ACADM: variants seen among roughly 807,000 people sequenced by gnomAD.
ACADM encodes the protein medium-chain specific acyl-CoA dehydrogenase, mitochondrial.
In ACADM, 49 loss-of-function variants were observed where a neutral mutation model predicts 58.9. The ratio of observed to expected loss-of-function variants is 0.83; its 90% CI spans 0.66 to 1.06. The LOEUF (loss-of-function observed/expected upper bound fraction) is 1.06, where lower values mean the gene tolerates loss of function less well. ACADM is among the 50% of genes least tolerant of loss of function. ACADM has a pLI of 0.00. For synonymous variants in ACADM, 160 were observed against 157.7 expected (o/e 1.01, Z -0.11); for missense variants, 496 against 507.0 (o/e 0.98, Z 0.21).
At chr1:75,744,312 C>T (rs565655624) in intron 7 of ACADM, 484 of 1,613,444 alleles carry the variant, frequency 3.0e-4, no homozygotes, top group Non-Finnish European at 4.0e-4. Context: ...GAGCTTCAGC[C>T]GGCTTGGCCT....
At chr1:75,744,731 G>A (rs1647790021) in intron 7 of ACADM, 7 of 747,660 alleles carry the variant, frequency 9.4e-6, no homozygotes, top group Admixed American at 8.7e-5. Context: ...AAGGCAGAGA[G>A]CGAGTGGCTG....
chr1:75,759,887 C>T (rs1276206279), intron 10 of ACADM, among the ~76,000 whole-genome samples: 1 of 151,816 alleles, frequency 6.6e-6, no homozygotes, highest in Non-Finnish European at 1.5e-5. Context: ...TCTCAAACTC[C>T]CAACCTCAGG....
At chr1:75,757,224 CAA>C (rs1648557371) in intron 10 of ACADM, among the ~76,000 whole-genome samples, 1 of 152,094 alleles carries the variant, frequency 6.6e-6, no homozygotes. Flanking sequence ...TAATTAAACT[CAA>C]GAGTTTCTGC....
At chr1:75,749,910 ATGATGT>A (rs947125857) in intron 9 of ACADM, among the ~76,000 whole-genome samples, 1 of 151,856 alleles carries the variant, frequency 6.6e-6, no homozygotes, top group Non-Finnish European at 1.5e-5. Context: ...ATGGGGTTTC[ATGATGT>A]TGGCCAGGAT....
chr1:75,744,422 C>G, intron 7 of ACADM: 1 of 1,490,500 alleles, frequency 6.7e-7, no homozygotes, highest in Non-Finnish European at 9.4e-7. Context: ...ATGCCATTTG[C>G]TGGTGATGGA....
intron 11 of ACADM, among the ~76,000 whole-genome samples, chr1:75,762,428 C>G (rs918741056): frequency 2.6e-5 from 4 of 152,016 alleles, no homozygotes; most frequent in Non-Finnish European, 5.9e-5. Context: ...ATGTAAATAT[C>G]TTTTCTTTTT....
rs1647968552 is a variant in ACADM at position 75,747,576 on chromosome 1, A to G, written c.708+1662A>G. Reference sequence around the variant, plus strand: ...TGAGGTGGGAGAACTATTTGAACCCAGGAGTTCAGGACCAGCCTGGGCAAC... The same window carrying G: ...TGAGGTGGGAGAACTATTTGAACCCGGGAGTTCAGGACCAGCCTGGGCAAC... On this transcript the variant is annotated intron_variant, in intron 8 of 11. Coordinates refer to ENST00000370841, the MANE Select transcript of ACADM (RefSeq NM_000016.6). Among the ~76,000 whole-genome samples, 4 of 152,174 alleles carry G rather than the reference A, an allele frequency of 2.6e-5. No individual in the cohort carries two copies. The South Asian group carries it at 8.3e-4, about 32-fold the overall frequency.
chr1:75,735,961 G>T (rs1647248273), intron 6 of ACADM, among the ~76,000 whole-genome samples: 1 of 151,878 alleles, frequency 6.6e-6, no homozygotes, highest in Non-Finnish European at 1.5e-5. Context: ...ACCAGCCTGG[G>T]TAACACAGTG....
intron 6 of ACADM, among the ~76,000 whole-genome samples, chr1:75,737,327 T>TATGA (rs1491168235): frequency 1.4e-4 from 11 of 76,680 alleles, no homozygotes; most frequent in African/African-American, 5.8e-4. Context: ...TATATATATA[T>TATGA]GAAACCAAAA....
intron 10 of ACADM, among the ~76,000 whole-genome samples, chr1:75,760,708 TAACTA>T (rs1468743494): frequency 1.3e-5 from 2 of 151,624 alleles, no homozygotes; most frequent in East Asian, 3.9e-4. Context: ...TAAGAAGAAA[TAACTA>T]AATTCAACGT....
At chr1:75,752,817 A>AT (rs1250358143) in intron 10 of ACADM, among the ~76,000 whole-genome samples, 1 of 151,922 alleles carries the variant, frequency 6.6e-6, no homozygotes, top group African/African-American at 2.4e-5. Flanking sequence ...TTTTGCTTTT[A>AT]TTTTTTATTT....
At chr1:75,732,501 T>G in intron 2 of ACADM, 143 bp from the exon 3 acceptor site, 1 of 725,340 alleles carries the variant, frequency 1.4e-6, no homozygotes, top group Non-Finnish European at 2.5e-6. Flanking sequence ...AACTCTTGAT[T>G]AGTCAAAAAA....
At chr1:75,731,459 A>G (rs535000132) in intron 2 of ACADM, among the ~76,000 whole-genome samples, 1 of 152,120 alleles carries the variant, frequency 6.6e-6, no homozygotes, top group South Asian at 2.1e-4. Flanking sequence ...TATCTCTTAA[A>G]TTTTACCTAA....
Position 75,737,281 on chromosome 1 carries a change from TATA to T in ACADM, c.468+2411_468+2413del, listed in dbSNP as rs1250073080. On this transcript the variant is annotated intron_variant, in intron 6 of 11. Transcript: ENST00000370841. The stretch of plus-strand genomic sequence containing the variant: ...GACTGCCACCACACACACACACAAA[TATA>T]TATATATATATATATATATATATAT... 6.2e-3 allele frequency among the ~76,000 whole-genome samples: 125 copies of T among 20,096 alleles called. 4 individuals carry two copies. Among genetic ancestry groups the T allele is most frequent in the African/African-American group, 0.014 (122 of 9,034 alleles). 13.2% of individuals were successfully genotyped at this position (20,096 alleles called of 152,430 possible).
chr1:75,753,795 CT>C (rs71071962), intron 10 of ACADM, among the ~76,000 whole-genome samples: 41,147 of 81,782 alleles, frequency 0.5, 8,610 homozygotes, highest in Middle Eastern at 0.65. Flanking sequence ...CTGATAGCTT[CT>C]TTTTTTTTTT....
chr1:75,750,461 G>T lies in ACADM; in HGVS notation c.860G>T (p.Gly287Val). ...FDKTRPVVAA[G>V]AVGLAQRALD... is the part of the protein sequence containing the mutation. ...ATCTTAAAATACTAGGTAGCTGCTG[G>T]TGCTGTTGGATTAGCACAAAGAGCT... The change falls in exon 10 of 12, where the codon GGT becomes GTT. Residue 287 changes from glycine to valine, a missense_variant. Coordinates refer to ENST00000370841, the MANE Select transcript of ACADM (RefSeq NM_000016.6). 6.2e-7 allele frequency: 1 copy of T among 1,611,188 alleles called. No homozygotes were observed. The highest frequency in any genetic ancestry group is 8.5e-7 in the Non-Finnish European group (1 of 1,179,190).
At chr1:75,729,885 ATTTT>A (rs551916973) in intron 2 of ACADM, among the ~76,000 whole-genome samples, 1 of 73,872 alleles carries the variant, frequency 1.4e-5, no homozygotes, top group Non-Finnish European at 2.6e-5. Flanking sequence ...GGGATGGTGG[ATTTT>A]TTTTTTTTTT....
At chr1:75,731,995 T>C (rs1390290754) in intron 2 of ACADM, among the ~76,000 whole-genome samples, 1 of 152,088 alleles carries the variant, frequency 6.6e-6, no homozygotes, top group Non-Finnish European at 1.5e-5. Flanking sequence ...CTACAAAAAT[T>C]ACAAAAATTA....
chr1:75,730,617 A>C (rs1647132382), intron 2 of ACADM, among the ~76,000 whole-genome samples: 1 of 150,552 alleles, frequency 6.6e-6, no homozygotes, highest in Non-Finnish European at 1.5e-5. Context: ...CTGGGGCTCC[A>C]TGGATTCTCT....
Sources: gnomAD v4.1 joint callset for allele counts (sites outside exome capture counted in the v4.1 genomes callset) on GRCh38, gnomAD v4.1.1 for gene constraint, MANE v1.5 for transcripts, NCBI Gene and HGNC (gene_info 2026-07-23, HGNC 2026-07-21) for gene names.